Variants in CHD2 observed in about 807,000 individuals in gnomAD.
CHD2 encodes chromodomain helicase DNA binding protein 2.
In CHD2, 28 loss-of-function variants were observed where a neutral mutation model predicts 243.9. That is an observed-to-expected ratio of 0.11 (90% CI 0.09 to 0.16). The LOEUF is 0.16. Ranked by LOEUF, CHD2 falls within the 10% of genes least tolerant of loss-of-function variation. CHD2 has a pLI of 1.00. For missense variants in CHD2, 1,386 were observed against 2,209.8 expected (o/e 0.63, Z 7.47); for synonymous variants, 775 against 779.0 (o/e 0.99, Z 0.09).
chr15:92,971,023 T>C (rs550454138), intron 17 of CHD2, among the ~76,000 whole-genome samples: 1 of 152,360 alleles, frequency 6.6e-6, no homozygotes, highest in Non-Finnish European at 1.5e-5. Flanking sequence ...AATACTCTTT[T>C]ACAATGTTAA....
chr15:92,934,927 G>C (rs1242303354), intron 5 of CHD2, among the ~76,000 whole-genome samples: 2 of 152,094 alleles, frequency 1.3e-5, no homozygotes, highest in East Asian at 3.8e-4. Context: ...AGGGCTGAGG[G>C]TTGGTGATAT....
intron 26 of CHD2, among the ~76,000 whole-genome samples, chr15:92,989,805 G>T (rs931180222): frequency 3.3e-5 from 5 of 152,204 alleles, no homozygotes; most frequent in African/African-American, 1.2e-4. Context: ...GAGATCCTCT[G>T]CTTCTGAGAG....
intron 35 of CHD2, 120 bp downstream of exon 35, chr15:93,009,443 C>G: frequency 1.0e-6 from 1 of 962,744 alleles, no homozygotes; most frequent in Non-Finnish European, 1.5e-6. Context: ...CACAACTCAT[C>G]TATTGGCAAT....
At chr15:92,940,765 ATAT>A (rs1280691726) in intron 7 of CHD2, among the ~76,000 whole-genome samples, 7 of 144,100 alleles carry the variant, frequency 4.9e-5, no homozygotes, top group South Asian at 2.1e-4. Flanking sequence ...ATATATAAAA[ATAT>A]ATATAAAAAA....
At chr15:93,012,943 G>A (rs947121394) in intron 36 of CHD2, among the ~76,000 whole-genome samples, 1 of 152,212 alleles carries the variant, frequency 6.6e-6, no homozygotes, top group African/African-American at 2.4e-5. Flanking sequence ...TGCTCCTTGT[G>A]TGGGTGTGCC....
At chr15:92,928,798 C>G (rs562818681) in intron 4 of CHD2, among the ~76,000 whole-genome samples, 8 of 152,146 alleles carry the variant, frequency 5.3e-5, no homozygotes, top group Non-Finnish European at 7.3e-5. Context: ...GGAAGTCAAG[C>G]TGAGATAAAT....
At chr15:93,009,680 A>G (rs529052649) in intron 35 of CHD2, among the ~76,000 whole-genome samples, 2 of 152,370 alleles carry the variant, frequency 1.3e-5, no homozygotes, top group African/African-American at 4.8e-5. Flanking sequence ...ATATTCAGAT[A>G]TTACTGTATC....
chr15:92,937,060 CTTGTA>C (rs1170673274), intron 5 of CHD2, among the ~76,000 whole-genome samples: 1 of 152,076 alleles, frequency 6.6e-6, no homozygotes, highest in African/African-American at 2.4e-5. Context: ...GGAGAGGTGT[CTTGTA>C]TTGCTCAGCT....
intron 24 of CHD2, among the ~76,000 whole-genome samples, chr15:92,983,060 G>C (rs2053999586): frequency 6.6e-6 from 1 of 152,066 alleles, no homozygotes; most frequent in African/African-American, 2.4e-5. Context: ...AGAGAGAGAA[G>C]CTAGAGAGCT....
At chr15:92,967,553 C>A in intron 17 of CHD2, 40 bp downstream of exon 17, 1 of 1,477,180 alleles carries the variant, frequency 6.8e-7, no homozygotes, top group African/African-American at 1.4e-5. Flanking sequence ...GGGTTGAGAT[C>A]AGTACCATGA....
intron 16 of CHD2, among the ~76,000 whole-genome samples, chr15:92,966,399 T>C (rs751842561): frequency 1.3e-5 from 2 of 152,190 alleles, no homozygotes; most frequent in African/African-American, 4.8e-5. Flanking sequence ...ATTTGAATTA[T>C]TAGTTTTAAT....
intron 5 of CHD2, among the ~76,000 whole-genome samples, chr15:92,932,524 A>C (rs1326451329): frequency 1.5e-5 from 2 of 135,224 alleles, no homozygotes; most frequent in African/African-American, 5.6e-5. Flanking sequence ...ATTCCCACCT[A>C]TGAGTGAGAA....
intron 17 of CHD2, among the ~76,000 whole-genome samples, chr15:92,968,487 C>A (rs1050815515): frequency 6.6e-6 from 1 of 152,198 alleles, no homozygotes; most frequent in Admixed American, 6.5e-5. Flanking sequence ...TATTGTTTCA[C>A]AGGATAAATG....
chr15:93,006,098 C>T (rs1395475872), intron 34 of CHD2, among the ~76,000 whole-genome samples: 2 of 151,352 alleles, frequency 1.3e-5, no homozygotes, highest in Non-Finnish European at 2.9e-5. Context: ...TCCCTCTCAA[C>T]CTATGCTTTT....
chr15:92,924,075 T>C (rs1164223820), intron 2 of CHD2, among the ~76,000 whole-genome samples: 3 of 152,184 alleles, frequency 2.0e-5, no homozygotes, highest in African/African-American at 7.2e-5. Flanking sequence ...GTCAAGAGCC[T>C]GTCCATAGAA....
intron 3 of CHD2, among the ~76,000 whole-genome samples, chr15:92,926,790 TAAAG>T (rs1232030058): frequency 6.6e-6 from 1 of 152,212 alleles, no homozygotes; most frequent in Non-Finnish European, 1.5e-5. Flanking sequence ...CTGAGGAACT[TAAAG>T]AAAAATACAA....
At position 92,945,959 on chromosome 15, in the gene CHD2, GATTATGCATAAAACAGA is replaced by G. The variant is rs953949561; in HGVS notation, c.1199-76_1199-60del. ...TTGTTTTGCCACATGATGTTTTATTGATTATGCATAAAACAGAATGTCATTTTTCACTTTTAATTGAC... is the reference window on the plus strand; with the variant it reads ...TTGTTTTGCCACATGATGTTTTATTGATGTCATTTTTCACTTTTAATTGAC... On this transcript the variant is annotated intron_variant, in intron 11 of 38. Transcript: ENST00000394196. 20 of 1,459,142 alleles carry G rather than the reference GATTATGCATAAAACAGA, an allele frequency of 1.4e-5. No homozygotes were observed. In the Admixed American group the frequency reaches 4.1e-4, roughly 30 times the overall value. The allele number at this position is 1,459,142 out of a possible 1,614,324, so 90.4% of individuals were successfully genotyped here.
intron 38 of CHD2, among the ~76,000 whole-genome samples, chr15:93,022,922 G>T (rs189530232): frequency 3.2e-4 from 49 of 152,288 alleles, no homozygotes; most frequent in Non-Finnish European, 6.2e-4. Flanking sequence ...TATGCATTTT[G>T]TCCCTTTTGG....
intron 5 of CHD2, among the ~76,000 whole-genome samples, chr15:92,934,731 ACTAT>A (rs1218619622): frequency 6.6e-6 from 1 of 152,194 alleles, no homozygotes; most frequent in Non-Finnish European, 1.5e-5. Flanking sequence ...GCTGGTCCTT[ACTAT>A]CTTTTTTCTC....
Sources: gnomAD v4.1 joint callset for allele counts (sites outside exome capture counted in the v4.1 genomes callset) on GRCh38, gnomAD v4.1.1 for gene constraint, MANE v1.5 for transcripts, NCBI Gene and HGNC (gene_info 2026-07-23, HGNC 2026-07-21) for gene names.